Variants in TANC2 observed in about 807,000 individuals in gnomAD.
The protein encoded by TANC2 is tetratricopeptide repeat, ankyrin repeat and coiled-coil containing 2.
Under a neutral mutation model 210.5 loss-of-function variants are expected in TANC2, and 26 were observed. That is an observed-to-expected ratio of 0.12 (90% CI 0.09 to 0.17). TANC2 has a LOEUF of 0.17. Among genes scored for constraint, TANC2 ranks in the 10% least tolerant of loss-of-function variants. The pLI is 1.00. For missense variants in TANC2, 2,129 were observed against 2,608.9 expected (o/e 0.82, Z 4.01); for synonymous variants, 931 against 967.1 (o/e 0.96, Z 0.69).
chr17:63,256,534 G>T lies in TANC2; in HGVS notation c.1034-11214G>T, dbSNP rs2043200395. ...TAACATATGGTCTGCCCTTGAGAAT[G>T]ATCCATGTGCTGAAAAGAAGAATGT... is the stretch of plus-strand genomic sequence containing the variant. On this transcript the variant is annotated intron_variant, in intron 8 of 27. Coordinates refer to ENST00000689528, the Ensembl canonical transcript of TANC2. 2.0e-5 allele frequency among the ~76,000 whole-genome samples: 3 copies of T among 152,150 alleles called. No homozygotes were observed. In the South Asian group the frequency reaches 6.2e-4, roughly 32 times the overall value.
At chr17:63,357,733 C>T (rs995814089) in intron 14 of TANC2, among the ~76,000 whole-genome samples, 2 of 152,244 alleles carry the variant, frequency 1.3e-5, no homozygotes, top group African/African-American at 4.8e-5. Context: ...ATGCTATTGG[C>T]AAAGCCCAAG....
intron 9 of TANC2, among the ~76,000 whole-genome samples, chr17:63,292,552 T>C (rs776660387): frequency 2.0e-5 from 3 of 152,178 alleles, no homozygotes; most frequent in Non-Finnish European, 4.4e-5. Flanking sequence ...AAGTGAAAAT[T>C]GCAAACATGG....
At chr17:63,346,111 C>A (rs554443930) in intron 12 of TANC2, among the ~76,000 whole-genome samples, 1 of 152,120 alleles carries the variant, frequency 6.6e-6, no homozygotes, top group South Asian at 2.1e-4. Flanking sequence ...TCACACTATA[C>A]ACCAAAATTA....
rs533275189 is a variant in TANC2, at chr17:63,147,954, CAAT to C, written c.323-3310_323-3308del. Among the ~76,000 whole-genome samples, 79 of 152,180 alleles carry C rather than the reference CAAT, an allele frequency of 5.2e-4. 1 individual carries two copies. Among genetic ancestry groups the C allele is most frequent in the African/African-American group, 1.7e-3 (70 of 41,534 alleles). On this transcript the variant is annotated intron_variant, in intron 4 of 27. Transcript: ENST00000689528. ...GAATCTGTGATGACAACAGCAAAAA[CAAT>C]AATAACAGCTGATGTTTTTAGAACA...
rs964160016 is a variant in TANC2, at chr17:63,314,588, A to G, written c.1360A>G (p.Ile454Val). Reference sequence around the variant, plus strand: ...CATTGGATTCGGCAAAACTGCCATCATCTCCAGACTGGTGGCCCTCAGCTG... The same window carrying G: ...CATTGGATTCGGCAAAACTGCCATCGTCTCCAGACTGGTGGCCCTCAGCTG... The change falls in exon 10 of 28, where the codon ATC (isoleucine) becomes GTC (valine). Residue 454 changes from isoleucine (I) to valine (V), a missense_variant. By Grantham distance (29) the Ile-to-Val change is conservative (BLOSUM62 3). Transcript: ENST00000689528. The G allele has an allele frequency of 2.9e-5, 46 of 1,613,874 alleles. No homozygotes were observed. Among genetic ancestry groups the G allele is most frequent in the Non-Finnish European group, 3.8e-5 (45 of 1,179,878 alleles).
At chr17:63,034,503 T>C (rs2034895582) in intron 2 of TANC2, among the ~76,000 whole-genome samples, 1 of 152,198 alleles carries the variant, frequency 6.6e-6, no homozygotes, top group African/African-American at 2.4e-5. Context: ...TTTTAAGTCA[T>C]ATTATTTAAG....
chr17:63,027,783 C>G (rs76836855), intron 2 of TANC2, among the ~76,000 whole-genome samples: 2 of 152,044 alleles, frequency 1.3e-5, no homozygotes, highest in Admixed American at 6.6e-5. Context: ...ATCATAGACT[C>G]TTTGTCCTCA....
chr17:63,256,592 A>G (rs1456838490), intron 8 of TANC2, among the ~76,000 whole-genome samples: 1 of 152,222 alleles, frequency 6.6e-6, no homozygotes, highest in Non-Finnish European at 1.5e-5. Flanking sequence ...AATGTTCTGT[A>G]AATATCTATT....
chr17:63,379,319 G>A (rs2147076685), intron 14 of TANC2, among the ~76,000 whole-genome samples: 1 of 152,268 alleles, frequency 6.6e-6, no homozygotes, highest in Non-Finnish European at 1.5e-5. Context: ...GAATGATATA[G>A]TTTTGTTGGA....
intron 1 of TANC2, among the ~76,000 whole-genome samples, chr17:62,974,713 T>G (rs889607003): frequency 1.2e-4 from 19 of 152,306 alleles, no homozygotes; most frequent in Middle Eastern, 3.4e-3. Flanking sequence ...TTCAAAAACA[T>G]ATGTACCATA....
rs1163351146 is a variant in TANC2 at position 63,010,937 on chromosome 17, G to GT, written c.67+1316dup. ...ATCCCATCGAACCCCATCCTTTTGG[G>GT]TTTTTATGGAGGCTCCATTATGCAC... On this transcript the variant is annotated intron_variant, in intron 2 of 27. Transcript: ENST00000689528. 2.6e-5 allele frequency among the ~76,000 whole-genome samples: 4 copies of GT among 152,026 alleles called. No homozygotes were observed. The East Asian group carries it at 7.7e-4, about 29-fold the overall frequency.
chr17:63,407,532 A>G (rs1156920624), intron 21 of TANC2, among the ~76,000 whole-genome samples: 1 of 152,240 alleles, frequency 6.6e-6, no homozygotes, highest in Non-Finnish European at 1.5e-5. Context: ...CTCCCTTACC[A>G]GTGAAGACAT....
At chr17:63,367,550 T>C (rs1205925829) in intron 14 of TANC2, among the ~76,000 whole-genome samples, 1 of 152,026 alleles carries the variant, frequency 6.6e-6, no homozygotes, top group Non-Finnish European at 1.5e-5. Flanking sequence ...CAACCAACAA[T>C]AGTGCCATAG....
At chr17:63,241,662 T>C (rs1411715860) in intron 8 of TANC2, among the ~76,000 whole-genome samples, 2 of 152,196 alleles carry the variant, frequency 1.3e-5, no homozygotes, top group African/African-American at 4.8e-5. Flanking sequence ...TCTAAAATCT[T>C]ACCCTGGCGT....
intron 19 of TANC2, among the ~76,000 whole-genome samples, chr17:63,401,489 A>G (rs566220173): frequency 6.6e-6 from 1 of 152,358 alleles, no homozygotes; most frequent in African/African-American, 2.4e-5. Flanking sequence ...CAGAGATGTT[A>G]AAATGTAGAG....
intron 4 of TANC2, among the ~76,000 whole-genome samples, chr17:63,146,031 A>G (rs2039451932): frequency 6.6e-6 from 1 of 152,110 alleles, no homozygotes; most frequent in Non-Finnish European, 1.5e-5. Flanking sequence ...CCCCCAGTCC[A>G]TGAAGAATGG....
At position 63,421,099 on chromosome 17, in the gene TANC2, G is replaced by A. The variant is rs760022382; in HGVS notation, c.5369G>A (p.Arg1790Gln). 6.2e-6 allele frequency: 10 copies of A among 1,613,822 alleles called. No individual in the cohort carries two copies. The highest frequency in any genetic ancestry group is 4.0e-5 in the African/African-American group (3 of 74,900). Residue 1790 changes from arginine to glutamine, a missense_variant, in exon 28 of 28, where the codon CGA becomes CAA. By Grantham distance (43) the Arg-to-Gln change is conservative (BLOSUM62 1). Transcript: ENST00000689528. The surrounding 1 kb of genome is among the most constrained non-coding windows in gnomAD (Gnocchi z 6.9). ...CCACAGCGACCTTCCTCAGCATACC[G>A]AGGTGGCGTGAGATACAGCCAGACA...
chr17:63,399,567 C>T (rs1472957609), intron 19 of TANC2, among the ~76,000 whole-genome samples: 3 of 152,340 alleles, frequency 2.0e-5, no homozygotes, highest in East Asian at 1.9e-4. Flanking sequence ...GTCTAAACTG[C>T]AGCATCTGGA....
intron 12 of TANC2, among the ~76,000 whole-genome samples, chr17:63,349,678 T>C (rs1159478696): frequency 6.6e-6 from 1 of 152,176 alleles, no homozygotes; most frequent in African/African-American, 2.4e-5. Flanking sequence ...TCCAGCACAG[T>C]GAGTGATACT....
Sources: gnomAD v4.1 joint callset for allele counts (sites outside exome capture counted in the v4.1 genomes callset) on GRCh38, gnomAD v4.1.1 for gene constraint, Gnocchi (gnomAD v3.1) non-coding constraint, MANE v1.5 for transcripts, NCBI Gene and HGNC (gene_info 2026-07-23, HGNC 2026-07-21) for gene names.